PLD5: variants seen among roughly 807,000 people sequenced by gnomAD.
The protein encoded by PLD5 is inactive phospholipase D5.
In PLD5, 36 loss-of-function variants were observed where a neutral mutation model predicts 61.1. That is an observed-to-expected ratio of 0.59 (90% CI 0.45 to 0.78). The LOEUF (loss-of-function observed/expected upper bound fraction) is 0.78, where lower values mean the gene tolerates loss of function less well. PLD5 is among the 30% of genes least tolerant of loss of function. PLD5 has a pLI of 0.00. For missense variants in PLD5, 515 were observed against 644.4 expected, an observed-to-expected ratio of 0.80 and a Z score of 2.17; for synonymous variants, 243 against 242.8, an observed-to-expected ratio of 1.00 and a Z score of -0.01.
Position 242,405,699 on chromosome 1 carries a change from T to A in PLD5, c.190-57457A>T, listed in dbSNP as rs147563534. 1.6e-3 allele frequency among the ~76,000 whole-genome samples: 246 copies of A among 152,156 alleles called. 3 individuals are homozygous for A. The highest frequency in any genetic ancestry group is 5.7e-3 in the African/African-American group (238 of 41,502). On this transcript the variant is annotated intron_variant, in intron 1 of 9. Transcript: ENST00000536534. The stretch of plus-strand genomic sequence containing the variant: ...TCACTGCAACCTCTGCCTATAAGGT[T>A]CAAGCAATTCTCCTGCCTCAGCCTC...
At chr1:242,222,919 G>A (rs1388635385) in intron 4 of PLD5, among the ~76,000 whole-genome samples, 1 of 152,176 alleles carries the variant, frequency 6.6e-6, no homozygotes, top group Non-Finnish European at 1.5e-5. Context: ...TATACCAGAT[G>A]CTGTGCTATG....
At chr1:242,526,416 ATC>A (rs1297453796), upstream of PLD5, among the ~76,000 whole-genome samples, 2 of 151,948 alleles carry the variant, frequency 1.3e-5, no homozygotes, top group East Asian at 3.9e-4. Flanking sequence ...ATTGTATAGC[ATC>A]TCTGATAATT....
At chr1:242,116,232 C>T (rs1306742125) in intron 6 of PLD5, among the ~76,000 whole-genome samples, 1 of 152,126 alleles carries the variant, frequency 6.6e-6, no homozygotes, top group Non-Finnish European at 1.5e-5. Flanking sequence ...GTAGGAGTCC[C>T]CACCCCAGCT....
Position 242,374,139 on chromosome 1 carries a change from C to T in PLD5, c.190-25897G>A, listed in dbSNP as rs187616536. 2.4e-4 allele frequency among the ~76,000 whole-genome samples: 36 copies of T among 152,236 alleles called. No individual in the cohort carries two copies. The East Asian group carries it at 4.3e-3, about 18-fold the overall frequency. On this transcript the variant is annotated intron_variant, in intron 1 of 9. Transcript: ENST00000536534. The stretch of plus-strand genomic sequence containing the variant: ...TGTCAGGCTGTGCATACATCTTCCT[C>T]TCTTTCAGTCATTGATAGCAATTGC...
intron 2 of PLD5, among the ~76,000 whole-genome samples, chr1:242,335,653 G>A (rs1386123707): frequency 4.6e-5 from 7 of 152,280 alleles, no homozygotes; most frequent in South Asian, 4.1e-4. Flanking sequence ...AGAGTGCTCA[G>A]AATAAAGTAC....
chr1:242,308,183 C>T (rs1676486097), intron 2 of PLD5, among the ~76,000 whole-genome samples: 2 of 152,098 alleles, frequency 1.3e-5, no homozygotes, highest in South Asian at 4.1e-4. Context: ...TTCTGATTCA[C>T]TTCCAATCAC....
intron 3 of PLD5, among the ~76,000 whole-genome samples, chr1:242,282,289 C>T (rs1674757140): frequency 2.0e-5 from 3 of 152,156 alleles, no homozygotes; most frequent in Admixed American, 2.0e-4. Flanking sequence ...AGTTCATCCT[C>T]TTGCCCGAGG....
rs1430837527 is a variant in PLD5 at position 242,420,963 on chromosome 1, C to A, written c.190-72721G>T. On this transcript the variant is annotated intron_variant, in intron 1 of 9. Transcript: ENST00000536534. ...TTGGAAGGCCGAGCCAGGCGGATCA[C>A]GAGGTCAAGAGATCGAGTCCATCCT... Among the ~76,000 whole-genome samples the A allele has an allele frequency of 2.0e-5, 3 of 152,048 alleles. No homozygotes were observed. The East Asian group carries it at 5.8e-4, about 29-fold the overall frequency.
intron 1 of PLD5, among the ~76,000 whole-genome samples, chr1:242,430,893 C>G (rs1665680259): frequency 6.6e-6 from 1 of 152,152 alleles, no homozygotes; most frequent in African/African-American, 2.4e-5. Flanking sequence ...TGCCCCACGC[C>G]TGTCCTGCAG....
intron 1 of PLD5, among the ~76,000 whole-genome samples, chr1:242,394,894 A>G (rs1229575284): frequency 1.2e-4 from 13 of 109,024 alleles, no homozygotes; most frequent in Non-Finnish European, 1.9e-4. Flanking sequence ...ATGTATATAT[A>G]TGATTATATA....
At chr1:242,229,844 A>T (rs904887739) in intron 4 of PLD5, among the ~76,000 whole-genome samples, 1 of 151,672 alleles carries the variant, frequency 6.6e-6, no homozygotes, top group Non-Finnish European at 1.5e-5. Context: ...TATTTCTTCT[A>T]TTCCAAAATG....
intron 5 of PLD5, among the ~76,000 whole-genome samples, chr1:242,132,192 C>CGGCGGGG (rs57596101): frequency 9.5e-5 from 2 of 21,076 alleles, no homozygotes; most frequent in African/African-American, 4.0e-4. Context: ...GCAGTGATTG[C>CGGCGGGG]GGGGGGGGGG....
At chr1:242,292,200 C>T (rs890251991) in intron 2 of PLD5, among the ~76,000 whole-genome samples, 3 of 152,116 alleles carry the variant, frequency 2.0e-5, no homozygotes, top group Non-Finnish European at 4.4e-5. Context: ...GATAAATAAT[C>T]CCAGATACTC....
At chr1:242,443,811 A>T (rs1371277114) in intron 1 of PLD5, among the ~76,000 whole-genome samples, 1 of 151,984 alleles carries the variant, frequency 6.6e-6, no homozygotes, top group Non-Finnish European at 1.5e-5. Flanking sequence ...GACTTCCTCC[A>T]TCTCAAACCT....
In PLD5 at chr1:242,504,138, C is replaced by G. The variant is rs1258285867; in HGVS notation, c.189+19950G>C. 2.6e-5 allele frequency among the ~76,000 whole-genome samples: 4 copies of G among 152,104 alleles called. No individual in the cohort carries two copies. The East Asian group carries it at 7.7e-4, about 29-fold the overall frequency. ...ATGTACCTACCAGAAATAATTTTAT[C>G]TATTTTAGCTCTTTGGGATATAGAA... is the stretch of plus-strand genomic sequence containing the variant. On this transcript the variant is annotated intron_variant, in intron 1 of 9. Transcript: ENST00000536534.
At chr1:242,330,735 T>C (rs1176845075) in intron 2 of PLD5, among the ~76,000 whole-genome samples, 1 of 152,230 alleles carries the variant, frequency 6.6e-6, no homozygotes, top group Non-Finnish European at 1.5e-5. Flanking sequence ...AAACATTCTG[T>C]GGCTATACAT....
intron 1 of PLD5, among the ~76,000 whole-genome samples, chr1:242,492,522 CAA>C (rs35988130): frequency 5.7e-5 from 7 of 122,424 alleles, no homozygotes; most frequent in Non-Finnish European, 3.5e-5. Context: ...AACTCCGTCT[CAA>C]AAAAAAAAAA....
At chr1:242,370,974 T>C (rs1234085510) in intron 1 of PLD5, among the ~76,000 whole-genome samples, 4 of 152,172 alleles carry the variant, frequency 2.6e-5, no homozygotes, top group Non-Finnish European at 5.9e-5. Context: ...TCAGTTATGA[T>C]TGTTTTATGT....
chr1:242,483,238 G>T (rs143873496), intron 1 of PLD5, among the ~76,000 whole-genome samples: 6,583 of 152,154 alleles, frequency 0.043, 227 homozygotes, highest in Middle Eastern at 0.061. Flanking sequence ...TGGGCTAAAT[G>T]CTCCAATTAA....
Sources: gnomAD v4.1 joint callset for allele counts (sites outside exome capture counted in the v4.1 genomes callset) on GRCh38, gnomAD v4.1.1 for gene constraint, MANE v1.5 for transcripts, NCBI Gene and HGNC (gene_info 2026-07-23, HGNC 2026-07-21) for gene names.